SLC7A8: variants seen among roughly 807,000 people sequenced by gnomAD.
SLC7A8 encodes the protein solute carrier family 7 member 8, also known as large neutral amino acids transporter small subunit 2.
In SLC7A8, 30 loss-of-function variants were observed where a neutral mutation model predicts 51.2. That is an observed-to-expected ratio of 0.59 (90% confidence interval 0.44 to 0.80). SLC7A8 has a LOEUF of 0.80. Ranked by LOEUF, SLC7A8 falls within the 30% of genes least tolerant of loss-of-function variation. The pLI is 0.00. For missense variants in SLC7A8, 612 were observed against 674.4 expected, an observed-to-expected ratio of 0.91 and a Z score of 1.03; for synonymous variants, 257 against 275.8, an observed-to-expected ratio of 0.93 and a Z score of 0.67.
chr14:23,180,030 C>G (rs576674788), intron 1 of SLC7A8, among the ~76,000 whole-genome samples: 1 of 151,648 alleles, frequency 6.6e-6, no homozygotes, highest in African/African-American at 2.4e-5. Flanking sequence ...CTCAGCCTCA[C>G]GAGTAGCTGG....
intron 1 of SLC7A8, among the ~76,000 whole-genome samples, chr14:23,175,671 C>T (rs1485282637): frequency 6.6e-6 from 1 of 152,184 alleles, no homozygotes; most frequent in African/African-American, 2.4e-5. Flanking sequence ...AATGTATTAT[C>T]GCCCTGACAG....
chr14:23,165,897 A>G lies in SLC7A8; in HGVS notation c.356+439T>C, dbSNP rs1397669371. Among the ~76,000 whole-genome samples, 1 of 152,134 alleles carries G rather than the reference A, an allele frequency of 6.6e-6. No homozygotes were observed. Among genetic ancestry groups the G allele is most frequent in the Middle Eastern group, 3.2e-3 (1 of 316 alleles). ...ATGGCAGGGATGCAGAAATTGAGGA[A>G]ATTTAAGATTAGGGCCCAGCTCTAG... On this transcript the variant is annotated intron_variant, in intron 2 of 10. Transcript: ENST00000316902. This position sits in a 1 kb window ranked among gnomAD's most constrained non-coding sequence, Gnocchi z 4.2.
At position 23,127,346 on chromosome 14, in the gene SLC7A8, G is replaced by A. The variant is rs1413439280; in HGVS notation, c.1442-3C>T. ...CTGGCTCACCAGGGTTAGCAGCTCT[G>A]TAGGAAGAGATCACACAGAAACCAG... On this transcript the variant is annotated splice_region_variant and splice_polypyrimidine_tract_variant and intron_variant, in intron 10 of 10. Transcript: ENST00000316902. The A allele has an allele frequency of 6.2e-7, 1 of 1,613,310 alleles. No individual in the cohort carries two copies.
intron 1 of SLC7A8, among the ~76,000 whole-genome samples, chr14:23,175,380 TG>T (rs1226844213): frequency 6.6e-6 from 1 of 152,178 alleles, no homozygotes; most frequent in Non-Finnish European, 1.5e-5. Context: ...GGCTAATTTT[TG>T]TATTTTTAGT....
chr14:23,180,227 C>CT (rs1877115952), intron 1 of SLC7A8, among the ~76,000 whole-genome samples: 1 of 152,240 alleles, frequency 6.6e-6, no homozygotes, highest in South Asian at 2.1e-4. Context: ...TTTTAGTTCT[C>CT]TTTTTTTCTG....
intron 7 of SLC7A8, among the ~76,000 whole-genome samples, chr14:23,136,719 C>T (rs2048693640): frequency 6.6e-6 from 1 of 152,216 alleles, no homozygotes; most frequent in South Asian, 2.1e-4. Context: ...TGCACGCAGA[C>T]CGCTGCTAGG....
chr14:23,142,992 TG>T, intron 4 of SLC7A8, 86 bp downstream of exon 4: 1 of 1,513,394 alleles, frequency 6.6e-7, no homozygotes, highest in Non-Finnish European at 9.1e-7. Flanking sequence ...TCTCAGGGTG[TG>T]GCATACTTCC....
chr14:23,162,920 T>C (rs2048931430), intron 3 of SLC7A8, among the ~76,000 whole-genome samples: 1 of 152,096 alleles, frequency 6.6e-6, no homozygotes, highest in Non-Finnish European at 1.5e-5. Flanking sequence ...GGGTGGCCTC[T>C]TGTCTGAGAC....
chr14:23,168,212 A>C (rs573293493), intron 1 of SLC7A8, among the ~76,000 whole-genome samples: 1 of 152,338 alleles, frequency 6.6e-6, no homozygotes, highest in Admixed American at 6.5e-5. Context: ...AAGTTTATGT[A>C]AAGTTCTATG....
Position 23,128,389 on chromosome 14 carries a change from A to G in SLC7A8, c.1264-193T>C. 3 of 1,523,928 alleles carry G rather than the reference A, an allele frequency of 2.0e-6. No individual in the cohort carries two copies. The highest frequency in any genetic ancestry group is 2.6e-6 in the Non-Finnish European group (3 of 1,138,322). The allele number at this position is 1,523,928 out of a possible 1,614,324, so 94.4% of individuals were successfully genotyped here. On this transcript the variant is annotated intron_variant, in intron 9 of 10. Transcript: ENST00000316902. The surrounding 1 kb of genome is among the most constrained non-coding windows in gnomAD (Gnocchi z 4.3). The stretch of plus-strand genomic sequence containing the variant: ...GCTATATAAACAAATGTTGATGAAC[A>G]TGGTCGGTCAGACAGGAAGAGGATG...
chr14:23,150,896 G>A lies in SLC7A8; in HGVS notation c.509-7692C>T, dbSNP rs1316555442. Among the ~76,000 whole-genome samples the A allele has an allele frequency of 1.3e-5, 2 of 152,150 alleles. 1 individual carries two copies. The highest frequency in any genetic ancestry group is 4.1e-4 in the South Asian group (2 of 4,822). ...GCTCCTTCACAAATGACCTGCTCTG[G>A]GGTCCTTCAACCCAGCTGTCTGGAA... is the stretch of plus-strand genomic sequence containing the variant. On this transcript the variant is annotated intron_variant, in intron 3 of 10. Coordinates refer to ENST00000316902, the MANE Select transcript of SLC7A8 (RefSeq NM_012244.4).
At chr14:23,161,370 T>A (rs903642580) in intron 3 of SLC7A8, among the ~76,000 whole-genome samples, 2 of 151,906 alleles carry the variant, frequency 1.3e-5, no homozygotes, top group Non-Finnish European at 2.9e-5. Context: ...TATACACCAA[T>A]GACCTCTCCA....
Position 23,128,699 on chromosome 14 carries a change from G to C in SLC7A8, c.1264-503C>G, listed in dbSNP as rs2048603819. 6.6e-6 allele frequency among the ~76,000 whole-genome samples: 1 copy of C among 152,240 alleles called. No individual in the cohort carries two copies. Among genetic ancestry groups the C allele is most frequent in the African/African-American group, 2.4e-5 (1 of 41,468 alleles). On this transcript the variant is annotated intron_variant, in intron 9 of 10. Coordinates refer to ENST00000316902, the MANE Select transcript of SLC7A8 (RefSeq NM_012244.4). This position sits in a 1 kb window ranked among gnomAD's most constrained non-coding sequence, Gnocchi z 4.3. The stretch of plus-strand genomic sequence containing the variant: ...TGTGGGCACAATATGGCAAATGTCA[G>C]CTCCTTATGGGCCACATGTGGGGAG...
At chr14:23,158,163 T>C (rs1010421866) in intron 3 of SLC7A8, among the ~76,000 whole-genome samples, 5 of 152,206 alleles carry the variant, frequency 3.3e-5, no homozygotes, top group African/African-American at 7.2e-5. Flanking sequence ...TAGCCCATCA[T>C]GGGCACTGAT....
intron 3 of SLC7A8, chr14:23,156,539 G>A (rs2048894392): frequency 6.6e-6 from 1 of 152,152 alleles, no homozygotes; most frequent in Non-Finnish European, 1.5e-5. Flanking sequence ...TAAATTTGGT[G>A]TGTCACATTA....
chr14:23,138,915 C>T (rs2048715705), intron 6 of SLC7A8, among the ~76,000 whole-genome samples: 1 of 152,148 alleles, frequency 6.6e-6, no homozygotes, highest in Non-Finnish European at 1.5e-5. Context: ...GAGCAAGGTG[C>T]CTCCCAGGTC....
chr14:23,138,065 C>T (rs2048707679), intron 6 of SLC7A8, 41 bp from the exon 7 acceptor site: 2 of 1,609,248 alleles, frequency 1.2e-6, no homozygotes, highest in Non-Finnish European at 1.7e-6. Flanking sequence ...GAGAGGTCAC[C>T]ACTCCCCGAC....
chr14:23,138,070 C>T (rs1187943008), intron 6 of SLC7A8, 46 bp from the exon 7 acceptor site: 1 of 1,606,322 alleles, frequency 6.2e-7, no homozygotes, highest in Non-Finnish European at 8.5e-7. Flanking sequence ...GTCACCACTC[C>T]CCGACCCCTC....
chr14:23,181,006 C>G (rs937587119), intron 1 of SLC7A8, among the ~76,000 whole-genome samples: 11 of 151,818 alleles, frequency 7.2e-5, no homozygotes, highest in East Asian at 1.9e-4. Context: ...CAGCCTGGGC[C>G]ACAGAGCGAG....
Sources: allele counts gnomAD v4.1 joint callset (sites outside exome capture counted in the v4.1 genomes callset), GRCh38; gene constraint gnomAD v4.1.1; non-coding constraint Gnocchi (gnomAD v3.1); transcripts MANE v1.5; gene names NCBI Gene and HGNC (gene_info 2026-07-23, HGNC 2026-07-21).